The following DGKD variants were observed in gnomAD, a reference collection of about 807,000 sequenced individuals.
DGKD encodes DAG kinase delta.
Under a neutral mutation model 154.4 loss-of-function variants are expected in DGKD, and 68 were observed. That is an observed-to-expected ratio of 0.44 (90% CI 0.36 to 0.54). The LOEUF (loss-of-function observed/expected upper bound fraction) is 0.54. Ranked by LOEUF, DGKD falls within the 20% of genes least tolerant of loss-of-function variation. DGKD has a pLI of 0.00. For missense variants in DGKD, 1,343 were observed against 1,593.6 expected (o/e 0.84, Z 2.68); for synonymous variants, 693 against 638.0 (o/e 1.09, Z -1.30).
chr2:233,463,456 C>G (rs866294097), intron 26 of DGKD, among the ~76,000 whole-genome samples: 147 of 105,624 alleles, frequency 1.4e-3, no homozygotes, highest in South Asian at 9.3e-3. Context: ...TCTCCTCACT[C>G]CACGCATGTC....
intron 1 of DGKD, among the ~76,000 whole-genome samples, chr2:233,363,543 T>G (rs1422582343): frequency 6.6e-6 from 1 of 152,196 alleles, no homozygotes; most frequent in Non-Finnish European, 1.5e-5. Flanking sequence ...AAAATAAATG[T>G]AGTATAGCCT....
chr2:233,424,664 G>A (rs1369660357), intron 3 of DGKD, among the ~76,000 whole-genome samples: 1 of 152,230 alleles, frequency 6.6e-6, no homozygotes, highest in Non-Finnish European at 1.5e-5. Flanking sequence ...GAGGTCCAGG[G>A]CTCCGCCTGG....
rs2063320751 is a variant in DGKD, at chr2:233,452,312, C to G, written c.2264+252C>G. Among the ~76,000 whole-genome samples the G allele has an allele frequency of 6.6e-6, 1 of 152,216 alleles. No individual in the cohort carries two copies. The highest frequency in any genetic ancestry group is 1.5e-5 in the Non-Finnish European group (1 of 68,046). ...GGTCCCACGGTGCTTGCTTGACGTC[C>G]CCTGAGCCTGCATGCCCTTCTGAGG... On this transcript the variant is annotated intron_variant, in intron 18 of 29. Coordinates refer to ENST00000264057, the MANE Select transcript of DGKD (RefSeq NM_152879.3). This position sits in a 1 kb window ranked among gnomAD's most constrained non-coding sequence, Gnocchi z 4.0.
At chr2:233,443,418 A>AT (rs1169683122) in intron 10 of DGKD, among the ~76,000 whole-genome samples, 1 of 151,464 alleles carries the variant, frequency 6.6e-6, no homozygotes, top group African/African-American at 2.4e-5. Flanking sequence ...CACTGCAGAT[A>AT]TTTTTTTCCC....
At chr2:233,399,351 C>T (rs896548904) in intron 3 of DGKD, among the ~76,000 whole-genome samples, 6 of 152,246 alleles carry the variant, frequency 3.9e-5, no homozygotes, top group Non-Finnish European at 4.4e-5. Flanking sequence ...GGCCCTGCCC[C>T]TCATTGTTCG....
At chr2:233,365,072 A>C (rs1701956523) in intron 1 of DGKD, among the ~76,000 whole-genome samples, 1 of 152,230 alleles carries the variant, frequency 6.6e-6, no homozygotes, top group African/African-American at 2.4e-5. Context: ...ATTTGGAAGT[A>C]ATGACTTCAA....
At chr2:233,420,178 C>T (rs1483425060) in intron 3 of DGKD, among the ~76,000 whole-genome samples, 2 of 152,128 alleles carry the variant, frequency 1.3e-5, no homozygotes, top group Non-Finnish European at 2.9e-5. Flanking sequence ...CAGGCTCAGG[C>T]GCTCAGGAGA....
At chr2:233,394,824 C>T (rs1484214025) in intron 3 of DGKD, among the ~76,000 whole-genome samples, 3 of 150,490 alleles carry the variant, frequency 2.0e-5, no homozygotes, top group Non-Finnish European at 4.4e-5. Context: ...CTTCCTGCCT[C>T]ACCCTCCCCA....
intron 1 of DGKD, among the ~76,000 whole-genome samples, chr2:233,367,227 G>A (rs1430798567): frequency 9.3e-6 from 1 of 107,598 alleles, no homozygotes; most frequent in Non-Finnish European, 1.9e-5. Context: ...TGGTATTAAT[G>A]ACTTTTTTTT....
chr2:233,463,926 T>G, intron 26 of DGKD: 1 of 537,262 alleles, frequency 1.9e-6, no homozygotes. Context: ...GTTGTCAGCC[T>G]TGCTCTATGT....
At chr2:233,367,576 C>T (rs1021197149) in intron 1 of DGKD, among the ~76,000 whole-genome samples, 4 of 152,066 alleles carry the variant, frequency 2.6e-5, no homozygotes, top group African/African-American at 9.7e-5. Context: ...TTTGTACCAA[C>T]CTAATAATCT....
chr2:233,401,791 G>C (rs1180598311), intron 3 of DGKD, among the ~76,000 whole-genome samples: 2 of 151,604 alleles, frequency 1.3e-5, no homozygotes, highest in Non-Finnish European at 2.9e-5. Flanking sequence ...ATGGTGGCGG[G>C]CGCCTGTAAT....
In DGKD at chr2:233,462,515, C is replaced by A. The variant is rs536785778; in HGVS notation, c.3093+56C>A. Reference sequence around the variant, plus strand: ...TCTTCTCAGTGTCTGCCGCCCTCGGCCCTCCCCGTGCGTGTTCATTCCCCC... The same window carrying A: ...TCTTCTCAGTGTCTGCCGCCCTCGGACCTCCCCGTGCGTGTTCATTCCCCC... On this transcript the variant is annotated intron_variant, in intron 25 of 29. Transcript: ENST00000264057. 1.9e-5 allele frequency: 29 copies of A among 1,547,910 alleles called. No individual in the cohort carries two copies. In the East Asian group the frequency reaches 5.9e-4, roughly 31 times the overall value.
At chr2:233,444,088 C>A (rs562554889) in intron 10 of DGKD, among the ~76,000 whole-genome samples, 7 of 152,090 alleles carry the variant, frequency 4.6e-5, no homozygotes, top group Admixed American at 3.3e-4. Context: ...CTCCTGGGGG[C>A]GCCTCAATTG....
intron 3 of DGKD, among the ~76,000 whole-genome samples, chr2:233,394,366 C>G (rs976353601): frequency 6.6e-6 from 1 of 152,082 alleles, no homozygotes; most frequent in African/African-American, 2.4e-5. Flanking sequence ...CCTCAGCCTC[C>G]CAGTTAGCTG....
intron 5 of DGKD, 149 bp downstream of exon 5, chr2:233,435,050 T>C (rs2062643812): frequency 1.6e-5 from 18 of 1,141,216 alleles, no homozygotes; most frequent in Non-Finnish European, 1.9e-5. Context: ...GATGCCATTC[T>C]TGTTTATTTT....
At chr2:233,446,278 C>T (rs2063067222) in intron 11 of DGKD, among the ~76,000 whole-genome samples, 1 of 152,044 alleles carries the variant, frequency 6.6e-6, no homozygotes, top group South Asian at 2.1e-4. Context: ...TGAGATGCCT[C>T]CTAGCCTTCC....
At chr2:233,447,805 G>T in intron 12 of DGKD, 1 of 1,219,356 alleles carries the variant, frequency 8.2e-7, no homozygotes, top group Non-Finnish European at 1.0e-6. Flanking sequence ...CAGGACGGAA[G>T]CTCCTAGCAC....
At chr2:233,451,863 A>G in intron 17 of DGKD, 101 bp from the exon 18 acceptor site, 1 of 959,884 alleles carries the variant, frequency 1.0e-6, no homozygotes, top group Non-Finnish European at 1.6e-6. Flanking sequence ...AATTATAATA[A>G]CGTTCTGCAG....
Sources: gnomAD v4.1 joint callset for allele counts (sites outside exome capture counted in the v4.1 genomes callset) on GRCh38, gnomAD v4.1.1 for gene constraint, Gnocchi (gnomAD v3.1) non-coding constraint, MANE v1.5 for transcripts, NCBI Gene and HGNC (gene_info 2026-07-23, HGNC 2026-07-21) for gene names.